Variants in SORCS2 observed in about 807,000 individuals in gnomAD.
The protein encoded by SORCS2 is sortilin related VPS10 domain containing receptor 2, also known as VPS10 domain-containing receptor SorCS2.
Under a neutral mutation model 141.6 loss-of-function variants are expected in SORCS2, and 100 were observed. The observed-to-expected ratio is 0.71, with a 90% CI of 0.60 to 0.83. The LOEUF is 0.83. Ranked by LOEUF, SORCS2 falls within the 40% of genes least tolerant of loss-of-function variation. The probability of loss-of-function intolerance (pLI) is 0.00; values close to 1 mark genes in which losing one functional copy is unlikely to be tolerated. For synonymous variants in SORCS2, 789 were observed against 676.9 expected (o/e 1.17, Z -2.57); for missense variants, 1,646 against 1,560.2 (o/e 1.05, Z -0.93).
At chr4:7,572,202 C>G (rs1013313104) in intron 3 of SORCS2, among the ~76,000 whole-genome samples, 1 of 152,132 alleles carries the variant, frequency 6.6e-6, no homozygotes, top group Non-Finnish European at 1.5e-5. Flanking sequence ...ACAGGGCGTC[C>G]AAAGCTGAGG....
At chr4:7,699,367 G>C (rs946831177) in intron 12 of SORCS2, among the ~76,000 whole-genome samples, 1 of 152,190 alleles carries the variant, frequency 6.6e-6, no homozygotes, top group Non-Finnish European at 1.5e-5. Context: ...CACTCCATTC[G>C]TCTCCTCCTG....
At chr4:7,314,342 T>A (rs4689104) in intron 1 of SORCS2, among the ~76,000 whole-genome samples, 57 of 29,972 alleles carry the variant, frequency 1.9e-3, no homozygotes, top group African/African-American at 5.3e-3. Flanking sequence ...ATTTTTTTTA[T>A]TTTTTTTTAT....
intron 10 of SORCS2, among the ~76,000 whole-genome samples, chr4:7,683,161 C>G (rs916697196): frequency 2.6e-4 from 39 of 152,252 alleles, no homozygotes; most frequent in African/African-American, 9.2e-4. Flanking sequence ...CTCCCCAGAT[C>G]TACAGGTGGG....
At chr4:7,471,258 A>T (rs762388417) in intron 2 of SORCS2, among the ~76,000 whole-genome samples, 2 of 152,156 alleles carry the variant, frequency 1.3e-5, no homozygotes, top group Non-Finnish European at 2.9e-5. Context: ...GCGCAATGCC[A>T]TCTTCAGATT....
At chr4:7,270,583 AATT>A (rs1715057380) in intron 1 of SORCS2, among the ~76,000 whole-genome samples, 1 of 152,222 alleles carries the variant, frequency 6.6e-6, no homozygotes, top group Non-Finnish European at 1.5e-5. Context: ...TCTGGGGACT[AATT>A]GTTGCTAAGA....
chr4:7,712,888 G>C (rs746539924), intron 15 of SORCS2, 35 bp downstream of exon 15: 12 of 1,609,620 alleles, frequency 7.5e-6, no homozygotes, highest in Non-Finnish European at 1.0e-5. Context: ...GGGCAGGTGG[G>C]GTACAGACTG....
At chr4:7,545,569 C>CA in intron 3 of SORCS2, among the ~76,000 whole-genome samples, 1 of 152,278 alleles carries the variant, frequency 6.6e-6, no homozygotes, top group African/African-American at 2.4e-5. Flanking sequence ...ACAGGCTCAC[C>CA]AAGGCTCAGG....
At position 7,446,193 on chromosome 4, in the gene SORCS2, AGG is replaced by A. The variant is rs1727985808; in HGVS notation, c.548+49840_548+49841del. Among the ~76,000 whole-genome samples, 6 of 151,534 alleles carry A rather than the reference AGG, an allele frequency of 4.0e-5. No individual in the cohort carries two copies. In the South Asian group the frequency reaches 1.3e-3, roughly 32 times the overall value. On this transcript the variant is annotated intron_variant, in intron 2 of 26. Coordinates refer to ENST00000507866, the MANE Select transcript of SORCS2 (RefSeq NM_020777.3). Reference sequence around the variant, plus strand: ...GGAGGTAGGGAGGGGAGGGGAGGGGAGGGAAGAAAAGAACCTTATTTCCCAGC... The same window carrying A: ...GGAGGTAGGGAGGGGAGGGGAGGGGAGAAGAAAAGAACCTTATTTCCCAGC...
At chr4:7,520,542 C>CA (rs1733263806) in intron 2 of SORCS2, among the ~76,000 whole-genome samples, 1 of 152,192 alleles carries the variant, frequency 6.6e-6, no homozygotes, top group South Asian at 2.1e-4. Flanking sequence ...CAGCCCCCAG[C>CA]ACCAGTGGGC....
chr4:7,539,062 G>A (rs1448674302), intron 3 of SORCS2, among the ~76,000 whole-genome samples: 1 of 152,158 alleles, frequency 6.6e-6, no homozygotes, highest in African/African-American at 2.4e-5. Context: ...AGGCCAAGTT[G>A]TTTCCCCCAG....
At chr4:7,611,591 G>A (rs1479049634) in intron 3 of SORCS2, among the ~76,000 whole-genome samples, 1 of 152,216 alleles carries the variant, frequency 6.6e-6, no homozygotes, top group Non-Finnish European at 1.5e-5. Flanking sequence ...AAGAAGTGGG[G>A]ACCCTCATGG....
chr4:7,302,157 C>T (rs1006763700), intron 1 of SORCS2, among the ~76,000 whole-genome samples: 3 of 152,244 alleles, frequency 2.0e-5, no homozygotes, highest in Admixed American at 2.0e-4. Context: ...GATACCTGAG[C>T]TCCTGGTCTG....
intron 2 of SORCS2, among the ~76,000 whole-genome samples, chr4:7,440,381 C>G (rs1345107912): frequency 6.6e-6 from 1 of 152,216 alleles, no homozygotes; most frequent in African/African-American, 2.4e-5. Flanking sequence ...TTGATGCTGA[C>G]CAAGGGAGAG....
chr4:7,524,367 C>G (rs1733529256), intron 2 of SORCS2, among the ~76,000 whole-genome samples: 1 of 152,092 alleles, frequency 6.6e-6, no homozygotes, highest in East Asian at 1.9e-4. Context: ...CTGCTAGCAC[C>G]TTGACTTTGG....
intron 1 of SORCS2, among the ~76,000 whole-genome samples, chr4:7,270,246 G>T (rs905868885): frequency 6.6e-6 from 1 of 152,248 alleles, no homozygotes; most frequent in Admixed American, 6.5e-5. Context: ...GAACGGGGCC[G>T]CAGAGCAGGC....
intron 3 of SORCS2, among the ~76,000 whole-genome samples, chr4:7,586,613 G>A (rs1336924447): frequency 1.3e-5 from 2 of 152,168 alleles, no homozygotes; most frequent in African/African-American, 2.4e-5. Context: ...AGTTTGCTGA[G>A]GATAATGGCT....
chr4:7,209,599 A>C (rs1480392695), intron 1 of SORCS2, among the ~76,000 whole-genome samples: 1 of 151,352 alleles, frequency 6.6e-6, no homozygotes, highest in Admixed American at 6.6e-5. Context: ...CCCCTTCTCG[A>C]CTGCATGTTT....
chr4:7,539,671 A>AAGTCCCCGACCCCCGTTATGG (rs1712410252), intron 3 of SORCS2, among the ~76,000 whole-genome samples: 2 of 74,910 alleles, frequency 2.7e-5, no homozygotes, highest in Admixed American at 1.7e-4. Context: ...TCCCAGCTGC[A>AAGTCCCCGACCCCCGTTATGG]AGGCCCCGAC....
At chr4:7,612,194 T>C (rs1718450086) in intron 3 of SORCS2, among the ~76,000 whole-genome samples, 1 of 152,112 alleles carries the variant, frequency 6.6e-6, no homozygotes, top group Admixed American at 6.5e-5. Flanking sequence ...TGCGGGAGTT[T>C]CATCCTGAAA....
Sources: gnomAD v4.1 joint callset for allele counts (sites outside exome capture counted in the v4.1 genomes callset) on GRCh38, gnomAD v4.1.1 for gene constraint, MANE v1.5 for transcripts, NCBI Gene and HGNC (gene_info 2026-07-23, HGNC 2026-07-21) for gene names.